The following SKAP2 variants were observed in gnomAD, a reference collection of about 807,000 sequenced individuals.
SKAP2 encodes the protein src kinase-associated phosphoprotein 2.
SKAP2 carries 28 observed loss-of-function variants against 54.9 expected under a neutral mutation model. The ratio of observed to expected loss-of-function variants is 0.51; its 90% CI spans 0.38 to 0.70. The LOEUF (loss-of-function observed/expected upper bound fraction) is 0.70, where lower values mean the gene tolerates loss of function less well. SKAP2 is among the 30% of genes least tolerant of loss of function. The pLI is 0.00. For missense variants in SKAP2, 356 were observed against 424.1 expected (o/e 0.84, Z 1.41); for synonymous variants, 137 against 134.3 (o/e 1.02, Z -0.14).
chr7:26,657,150 T>C, the SKAP2 span, among the ~76,000 whole-genome samples: 1 of 152,244 alleles, frequency 6.6e-6, no homozygotes, highest in Non-Finnish European at 1.5e-5. Context: ...AATCTATTAA[T>C]ATTTTCAAAG....
downstream of SKAP2, among the ~76,000 whole-genome samples, chr7:26,663,140 A>G (rs1398848186): frequency 1.3e-5 from 2 of 152,110 alleles, no homozygotes; most frequent in African/African-American, 4.8e-5. Context: ...GTAGGCATGG[A>G]AACATTTCAA....
intron 4 of SKAP2, among the ~76,000 whole-genome samples, chr7:26,755,638 A>G (rs777854147): frequency 6.6e-6 from 1 of 152,180 alleles, no homozygotes; most frequent in East Asian, 1.9e-4. Flanking sequence ...CCCAGAGACC[A>G]TAACTGTCTT....
At chr7:26,806,486 A>C (rs1784026306) in intron 4 of SKAP2, among the ~76,000 whole-genome samples, 1 of 152,228 alleles carries the variant, frequency 6.6e-6, no homozygotes, top group South Asian at 2.1e-4. Context: ...CAGGTAGGAG[A>C]AGCCCTTGAG....
intron 4 of SKAP2, among the ~76,000 whole-genome samples, chr7:26,829,049 T>C (rs1784551349): frequency 6.6e-6 from 1 of 151,848 alleles, no homozygotes; most frequent in African/African-American, 2.4e-5. Context: ...ATAAATAAAG[T>C]ACAAGTAATA....
intron 4 of SKAP2, among the ~76,000 whole-genome samples, chr7:26,797,338 A>AG (rs1783804419): frequency 6.6e-6 from 1 of 152,208 alleles, no homozygotes; most frequent in South Asian, 2.1e-4. Context: ...TCCACCCCCC[A>AG]GCTTTAGGGG....
rs187345512 is a variant in SKAP2, at chr7:26,819,333, C to G, written c.307+24697G>C. 5.9e-4 allele frequency among the ~76,000 whole-genome samples: 90 copies of G among 152,166 alleles called. 1 individual carries two copies. The East Asian group carries it at 0.017, about 28-fold the overall frequency. ...AACAGAGGAACAGAAAACCAAACAC[C>G]GCATGTTCTCACTCATAAGTAGGAG... is the stretch of plus-strand genomic sequence containing the variant. On this transcript the variant is annotated intron_variant, in intron 4 of 12. Coordinates refer to ENST00000345317, the MANE Select transcript of SKAP2 (RefSeq NM_003930.5).
At chr7:26,777,058 G>T (rs574472352) in intron 4 of SKAP2, among the ~76,000 whole-genome samples, 1 of 152,076 alleles carries the variant, frequency 6.6e-6, no homozygotes, top group South Asian at 2.1e-4. Flanking sequence ...ACTTCCAGGA[G>T]GTCAAAAGAG....
At chr7:26,723,303 T>A (rs1266899279) in intron 9 of SKAP2, among the ~76,000 whole-genome samples, 2 of 152,180 alleles carry the variant, frequency 1.3e-5, no homozygotes, top group African/African-American at 4.8e-5. Context: ...ACCGTGCAGA[T>A]GTTGAAGCAG....
chr7:26,816,450 A>G (rs1451100556), intron 4 of SKAP2, among the ~76,000 whole-genome samples: 1 of 152,098 alleles, frequency 6.6e-6, no homozygotes. Flanking sequence ...TATTAGGAAT[A>G]CTAAGATATT....
At chr7:26,803,663 G>T (rs1032911540) in intron 4 of SKAP2, among the ~76,000 whole-genome samples, 14 of 152,188 alleles carry the variant, frequency 9.2e-5, no homozygotes, top group African/African-American at 3.4e-4. Flanking sequence ...AGAGATATCT[G>T]CACTCCTACG....
chr7:26,810,016 C>T (rs1187613180), intron 4 of SKAP2, among the ~76,000 whole-genome samples: 2 of 152,126 alleles, frequency 1.3e-5, no homozygotes, highest in Admixed American at 1.3e-4. Flanking sequence ...AAGACAAATG[C>T]TGCATGATCT....
chr7:26,826,361 A>G (rs537642032), intron 4 of SKAP2, among the ~76,000 whole-genome samples: 1 of 152,296 alleles, frequency 6.6e-6, no homozygotes, highest in East Asian at 1.9e-4. Context: ...TACTCATTAC[A>G]GTTTGAACAC....
At chr7:26,827,373 C>G (rs907195909) in intron 4 of SKAP2, among the ~76,000 whole-genome samples, 1 of 152,152 alleles carries the variant, frequency 6.6e-6, no homozygotes, top group African/African-American at 2.4e-5. Context: ...ACTTTCAGCA[C>G]GCTCCATTGC....
At chr7:26,840,739 T>C (rs977588145) in intron 4 of SKAP2, among the ~76,000 whole-genome samples, 1 of 151,998 alleles carries the variant, frequency 6.6e-6, no homozygotes, top group Non-Finnish European at 1.5e-5. Flanking sequence ...GCTAATAAAA[T>C]GAAACTTCTA....
chr7:26,758,657 T>C (rs1782856921), intron 4 of SKAP2, among the ~76,000 whole-genome samples: 1 of 152,208 alleles, frequency 6.6e-6, no homozygotes, highest in African/African-American at 2.4e-5. Flanking sequence ...AAAGCTTTCC[T>C]GTTGTGACAT....
At chr7:26,665,330 C>G (rs1223019220), downstream of SKAP2, among the ~76,000 whole-genome samples, 1 of 152,158 alleles carries the variant, frequency 6.6e-6, no homozygotes, top group Non-Finnish European at 1.5e-5. Context: ...GGACAATGTA[C>G]CACAACTCAA....
chr7:26,663,673 C>A (rs888985067), downstream of SKAP2, among the ~76,000 whole-genome samples: 1 of 152,104 alleles, frequency 6.6e-6, no homozygotes, highest in Admixed American at 6.6e-5. Context: ...TCCTAAAAAA[C>A]AACTATTTGA....
intron 9 of SKAP2, among the ~76,000 whole-genome samples, chr7:26,699,863 A>C (rs1786985220): frequency 6.6e-6 from 1 of 152,182 alleles, no homozygotes; most frequent in Non-Finnish European, 1.5e-5. Context: ...TTTGATAATT[A>C]TTTTATGTTC....
intron 4 of SKAP2, among the ~76,000 whole-genome samples, chr7:26,836,742 G>A (rs566872917): frequency 2.2e-4 from 33 of 152,186 alleles, no homozygotes; most frequent in Admixed American, 6.5e-4. Flanking sequence ...GTTGGTGGGA[G>A]TGTAAATTAG....
Sources: allele counts gnomAD v4.1 joint callset (sites outside exome capture counted in the v4.1 genomes callset), GRCh38; gene constraint gnomAD v4.1.1; transcripts MANE v1.5; gene names NCBI Gene and HGNC (gene_info 2026-07-23, HGNC 2026-07-21).